Variants in ATP10B observed in about 807,000 individuals in gnomAD.
The protein encoded by ATP10B is ATPase phospholipid transporting 10B (putative), also known as phospholipid-transporting ATPase VB.
ATP10B carries 122 observed loss-of-function variants against 141.2 expected under a neutral mutation model. The observed-to-expected ratio is 0.86, with a 90% confidence interval of 0.75 to 1.00. The LOEUF (loss-of-function observed/expected upper bound fraction) is 1.00. ATP10B is among the 50% of genes least tolerant of loss of function. The pLI is 0.00. For missense variants in ATP10B, 1,876 were observed against 1,825.3 expected (o/e 1.03, Z -0.51); for synonymous variants, 685 against 692.0 (o/e 0.99, Z 0.16).
intron 3 of ATP10B, among the ~76,000 whole-genome samples, chr5:160,707,457 G>T (rs1197749130): frequency 6.6e-6 from 1 of 152,146 alleles, no homozygotes; most frequent in African/African-American, 2.4e-5. Flanking sequence ...ATGCTGAAGG[G>T]ACTCTCTGGT....
intron 7 of ATP10B, among the ~76,000 whole-genome samples, chr5:160,662,471 G>A (rs1762007929): frequency 6.6e-6 from 1 of 152,108 alleles, no homozygotes; most frequent in Non-Finnish European, 1.5e-5. Context: ...GAACAGAACA[G>A]AGCCCTCAGA....
the ATP10B span, among the ~76,000 whole-genome samples, chr5:160,872,000 A>G: frequency 6.6e-6 from 1 of 152,060 alleles, no homozygotes; most frequent in Admixed American, 6.5e-5. Context: ...GTACTAGTTT[A>G]TATTCCCACC....
chr5:160,688,013 G>C lies in ATP10B; in HGVS notation c.62C>G (p.Pro21Arg). ...CGGTGTGGTTTCCGATGGACAATGG[G>C]GGAAGCCATCTCTGACTCTCCACTG... ...RWQWRVRDGF[P>R]HCPSETTPLL... The change falls in exon 5 of 26, where the codon CCC becomes CGC. Residue 21 changes from proline to arginine, a missense_variant. Coordinates refer to ENST00000327245, the MANE Select transcript of ATP10B (RefSeq NM_025153.3). 1 of 1,613,926 alleles carries C rather than the reference G, an allele frequency of 6.2e-7. No individual in the cohort carries two copies. Among genetic ancestry groups the C allele is most frequent in the Non-Finnish European group, 8.5e-7 (1 of 1,180,000 alleles).
At chr5:160,694,308 C>A (rs1764244508) in intron 3 of ATP10B, among the ~76,000 whole-genome samples, 1 of 152,182 alleles carries the variant, frequency 6.6e-6, no homozygotes, top group Non-Finnish European at 1.5e-5. Flanking sequence ...CTGAAGAACT[C>A]CCTAAGTTCC....
At chr5:160,625,094 T>C (rs1234833957) in intron 13 of ATP10B, among the ~76,000 whole-genome samples, 1 of 152,204 alleles carries the variant, frequency 6.6e-6, no homozygotes, top group Admixed American at 6.5e-5. Context: ...ATCCTCCCAA[T>C]TGTCTCTGTA....
At chr5:160,653,814 TTATA>T (rs1227570674) in intron 7 of ATP10B, among the ~76,000 whole-genome samples, 2 of 124,056 alleles carry the variant, frequency 1.6e-5, no homozygotes, top group East Asian at 4.3e-4. Flanking sequence ...TACATATATA[TTATA>T]TAGACGTATA....
chr5:160,850,476 C>G (rs1475029012), intron 1 of ATP10B, among the ~76,000 whole-genome samples: 1 of 151,962 alleles, frequency 6.6e-6, no homozygotes, highest in African/African-American at 2.4e-5. Flanking sequence ...GAGCTCTGAG[C>G]CTTGGACTCT....
intron 18 of ATP10B, among the ~76,000 whole-genome samples, chr5:160,608,037 T>C (rs1225940349): frequency 6.6e-6 from 1 of 152,208 alleles, no homozygotes; most frequent in Non-Finnish European, 1.5e-5. Context: ...CATTAACTCG[T>C]CATTTACATT....
At chr5:160,865,595 G>C in the ATP10B span, among the ~76,000 whole-genome samples, 3 of 152,142 alleles carry the variant, frequency 2.0e-5, no homozygotes, top group South Asian at 2.1e-4. Flanking sequence ...AAACTAAAAA[G>C]CTTCTCCAAA....
intron 3 of ATP10B, among the ~76,000 whole-genome samples, chr5:160,698,369 G>A (rs974207000): frequency 3.3e-5 from 5 of 151,940 alleles, no homozygotes; most frequent in African/African-American, 1.2e-4. Flanking sequence ...TCCTGGCCAA[G>A]CCACTATTTT....
chr5:160,742,932 T>G (rs1432786), intron 2 of ATP10B, among the ~76,000 whole-genome samples: 2 of 151,974 alleles, frequency 1.3e-5, no homozygotes, highest in South Asian at 2.1e-4. Flanking sequence ...TGCATGAAGG[T>G]GTTACCTCCA....
intron 15 of ATP10B, 49 bp from the exon 16 acceptor site, chr5:160,618,022 G>T (rs1411292555): frequency 9.1e-6 from 13 of 1,425,102 alleles, no homozygotes; most frequent in Non-Finnish European, 1.2e-5. Context: ...AATGCTCAGG[G>T]ATCCCCATCC....
intron 1 of ATP10B, among the ~76,000 whole-genome samples, chr5:160,786,849 T>C (rs11135123): frequency 0.1 from 15,300 of 151,962 alleles, 885 homozygotes; most frequent in Middle Eastern, 0.13. Context: ...TGCAGCCTGG[T>C]TCTTGTTGAA....
the ATP10B span, among the ~76,000 whole-genome samples, chr5:160,863,158 C>T: frequency 6.6e-6 from 1 of 151,892 alleles, no homozygotes; most frequent in Non-Finnish European, 1.5e-5. Context: ...GGATGGAGTT[C>T]CTACCCAATA....
At chr5:160,853,448 C>G (rs1753900086), upstream of ATP10B, among the ~76,000 whole-genome samples, 2 of 152,088 alleles carry the variant, frequency 1.3e-5, no homozygotes, top group African/African-American at 4.8e-5. Flanking sequence ...TGCTCAAAGC[C>G]AAACAGGAAT....
chr5:160,819,961 A>C (rs1195846996), intron 1 of ATP10B, among the ~76,000 whole-genome samples: 1 of 152,084 alleles, frequency 6.6e-6, no homozygotes, highest in Non-Finnish European at 1.5e-5. Context: ...TATATCTTAA[A>C]GACCAAAGAA....
chr5:160,614,377 C>T (rs1166856678), intron 17 of ATP10B: 4 of 152,158 alleles, frequency 2.6e-5, no homozygotes. Context: ...AGTGTGTTCT[C>T]TTCACCCAGA....
intron 8 of ATP10B, among the ~76,000 whole-genome samples, chr5:160,645,189 A>C (rs1194206370): frequency 6.6e-6 from 1 of 151,920 alleles, no homozygotes; most frequent in Non-Finnish European, 1.5e-5. Context: ...TTTCTTAATA[A>C]ACTTCCTGTC....
At chr5:160,843,849 A>T (rs928947297) in intron 1 of ATP10B, among the ~76,000 whole-genome samples, 2 of 152,012 alleles carry the variant, frequency 1.3e-5, no homozygotes, top group Non-Finnish European at 2.9e-5. Context: ...AGTTTTTTTC[A>T]TTTTGTAATA....
Sources: allele counts gnomAD v4.1 joint callset (sites outside exome capture counted in the v4.1 genomes callset), GRCh38; gene constraint gnomAD v4.1.1; transcripts MANE v1.5; gene names NCBI Gene and HGNC (gene_info 2026-07-23, HGNC 2026-07-21).